Variants in KHDRBS2 observed in about 807,000 individuals in gnomAD.
The protein encoded by KHDRBS2 is KH RNA binding domain containing, signal transduction associated 2, also known as KH domain-containing, RNA-binding, signal transduction-associated protein 2.
In KHDRBS2, 26 loss-of-function variants were observed where a neutral mutation model predicts 44.3. That is an observed-to-expected ratio of 0.59 (90% CI 0.43 to 0.81). The LOEUF is 0.81. KHDRBS2 is among the 40% of genes least tolerant of loss of function. KHDRBS2 has a pLI of 0.00. For missense variants in KHDRBS2, 476 were observed against 433.1 expected, an observed-to-expected ratio of 1.10 and a Z score of -0.88; for synonymous variants, 194 against 151.1, an observed-to-expected ratio of 1.28 and a Z score of -2.08.
chr6:61,924,116 G>A (rs1219108931), intron 4 of KHDRBS2, among the ~76,000 whole-genome samples: 1 of 152,014 alleles, frequency 6.6e-6, no homozygotes, highest in African/African-American at 2.4e-5. Flanking sequence ...CTGAAAATTA[G>A]AAAATCTTGC....
At chr6:61,574,195 A>C in the KHDRBS2 span, 1 of 664,586 alleles carries the variant, frequency 1.5e-6, no homozygotes, top group Non-Finnish European at 2.6e-6. Flanking sequence ...CCGCCTGTTT[A>C]CCAAAAACAT....
At chr6:62,068,293 A>G (rs1205442877) in intron 2 of KHDRBS2, among the ~76,000 whole-genome samples, 1 of 151,530 alleles carries the variant, frequency 6.6e-6, no homozygotes, top group Non-Finnish European at 1.5e-5. Context: ...ACATCTTTTC[A>G]TATGTTTATC....
At chr6:61,565,705 G>T in the KHDRBS2 span, among the ~76,000 whole-genome samples, 1 of 152,098 alleles carries the variant, frequency 6.6e-6, no homozygotes, top group Non-Finnish European at 1.5e-5. Flanking sequence ...TACCCTGTTG[G>T]TGGGAATGTA....
intron 2 of KHDRBS2, among the ~76,000 whole-genome samples, chr6:62,062,477 C>A (rs931659933): frequency 6.6e-6 from 1 of 151,912 alleles, no homozygotes; most frequent in Non-Finnish European, 1.5e-5. Context: ...AAGAATCTCA[C>A]TCAAAGCCGC....
At chr6:61,987,097 TA>T (rs1248992506) in intron 3 of KHDRBS2, among the ~76,000 whole-genome samples, 2 of 152,174 alleles carry the variant, frequency 1.3e-5, no homozygotes, top group Non-Finnish European at 2.9e-5. Context: ...TGGCCAGAAT[TA>T]AAAATTCCAG....
At chr6:61,759,184 T>G (rs1412922377) in intron 6 of KHDRBS2, among the ~76,000 whole-genome samples, 1 of 152,168 alleles carries the variant, frequency 6.6e-6, no homozygotes, top group Non-Finnish European at 1.5e-5. Flanking sequence ...AAATAAAACA[T>G]TCTTAACTAG....
intron 2 of KHDRBS2, among the ~76,000 whole-genome samples, chr6:62,166,337 A>T (rs1407555514): frequency 2.6e-5 from 4 of 152,038 alleles, no homozygotes. Context: ...TGGTATTCAC[A>T]AGTGAGGTTG....
intron 7 of KHDRBS2, among the ~76,000 whole-genome samples, chr6:61,719,431 C>A (rs543688475): frequency 6.6e-6 from 1 of 150,732 alleles, no homozygotes; most frequent in Admixed American, 6.6e-5. Flanking sequence ...AGAAGGTTGA[C>A]CTTTGAAAAT....
intron 2 of KHDRBS2, among the ~76,000 whole-genome samples, chr6:62,137,182 T>A (rs1412152908): frequency 2.0e-5 from 3 of 151,958 alleles, no homozygotes; most frequent in Non-Finnish European, 4.4e-5. Context: ...TTTGTATTTT[T>A]AGTAGAGACG....
chr6:61,870,172 G>C, intron 6 of KHDRBS2, among the ~76,000 whole-genome samples: 1 of 152,096 alleles, frequency 6.6e-6, no homozygotes, highest in South Asian at 2.1e-4. Flanking sequence ...GTCTGAGATG[G>C]ACCTGGGATG....
intron 2 of KHDRBS2, among the ~76,000 whole-genome samples, chr6:62,133,246 C>T (rs1267048063): frequency 2.0e-5 from 3 of 152,058 alleles, no homozygotes; most frequent in South Asian, 2.1e-4. Context: ...ATAATTCCCA[C>T]GTGATGTGGG....
chr6:62,240,676 A>G (rs9346268), intron 1 of KHDRBS2, among the ~76,000 whole-genome samples: 11,836 of 53,430 alleles, frequency 0.22, 399 homozygotes, highest in Non-Finnish European at 0.26. Flanking sequence ...GTGTGTGTAT[A>G]TATATATATA....
chr6:61,986,920 A>C (rs1029435212), intron 3 of KHDRBS2, among the ~76,000 whole-genome samples: 1 of 152,196 alleles, frequency 6.6e-6, no homozygotes, highest in Non-Finnish European at 1.5e-5. Flanking sequence ...AGGATTCAAC[A>C]TATGAATTTT....
At chr6:61,693,223 T>C (rs983848815) in intron 8 of KHDRBS2, among the ~76,000 whole-genome samples, 2 of 152,146 alleles carry the variant, frequency 1.3e-5, no homozygotes, top group Admixed American at 1.3e-4. Context: ...TCATCATCTG[T>C]ATTTACATTT....
At chr6:61,594,696 A>T in the KHDRBS2 span, among the ~76,000 whole-genome samples, 2 of 152,136 alleles carry the variant, frequency 1.3e-5, no homozygotes, top group Non-Finnish European at 2.9e-5. Context: ...TACTTTTTGG[A>T]CAATGCTTCC....
the KHDRBS2 span, among the ~76,000 whole-genome samples, chr6:61,618,872 C>T: frequency 6.6e-6 from 1 of 152,034 alleles, no homozygotes; most frequent in African/African-American, 2.4e-5. Flanking sequence ...AATTGTTTTC[C>T]CATGTATAGC....
At chr6:62,055,234 T>C (rs1323268973) in intron 2 of KHDRBS2, among the ~76,000 whole-genome samples, 2 of 151,318 alleles carry the variant, frequency 1.3e-5, no homozygotes, top group African/African-American at 2.4e-5. Flanking sequence ...AAAACAAATA[T>C]AGAACTAAGG....
chr6:61,962,669 G>T (rs1769003614), intron 4 of KHDRBS2, among the ~76,000 whole-genome samples: 2 of 151,946 alleles, frequency 1.3e-5, no homozygotes, highest in Admixed American at 1.3e-4. Context: ...AAATAAATCT[G>T]GAGGATAACT....
At chr6:61,676,663 T>C (rs1053191841), downstream of KHDRBS2, among the ~76,000 whole-genome samples, 6 of 151,842 alleles carry the variant, frequency 4.0e-5, no homozygotes, top group East Asian at 2.0e-4. Flanking sequence ...AAACATCCTA[T>C]AGATACTTCT....
Sources: gnomAD v4.1 joint callset for allele counts (sites outside exome capture counted in the v4.1 genomes callset) on GRCh38, gnomAD v4.1.1 for gene constraint, MANE v1.5 for transcripts, NCBI Gene and HGNC (gene_info 2026-07-23, HGNC 2026-07-21) for gene names.